The following ASTN2 variants were observed in gnomAD, a reference collection of about 807,000 sequenced individuals.
ASTN2 encodes astrotactin-2.
Under a neutral mutation model 139.8 loss-of-function variants are expected in ASTN2, and 54 were observed. The observed-to-expected ratio is 0.39, with a 90% CI of 0.31 to 0.48. The LOEUF is 0.48. Ranked by LOEUF, ASTN2 falls within the 20% of genes least tolerant of loss-of-function variation. The pLI, the probability that ASTN2 is intolerant of heterozygous loss-of-function variation, is 0.95. For missense variants in ASTN2, 1,565 were observed against 1,725.1 expected (o/e 0.91, Z 1.64); for synonymous variants, 756 against 719.5 (o/e 1.05, Z -0.81).
intron 20 of ASTN2, among the ~76,000 whole-genome samples, chr9:116,455,874 C>T (rs1220593761): frequency 1.3e-5 from 2 of 151,460 alleles, no homozygotes; most frequent in Non-Finnish European, 2.9e-5. Flanking sequence ...TAGTTCAACA[C>T]AATAAAACTA....
At chr9:116,637,580 C>T (rs1013186821) in intron 17 of ASTN2, among the ~76,000 whole-genome samples, 26 of 152,108 alleles carry the variant, frequency 1.7e-4, no homozygotes, top group African/African-American at 6.3e-4. Context: ...CTGCTCAGTA[C>T]AGTGTTGATA....
At chr9:116,506,232 G>C (rs951031147) in intron 19 of ASTN2, among the ~76,000 whole-genome samples, 1 of 152,174 alleles carries the variant, frequency 6.6e-6, no homozygotes, top group Admixed American at 6.5e-5. Flanking sequence ...AGGCTGGCAA[G>C]GCTGGCATTC....
At chr9:116,720,354 A>G (rs996516724) in intron 16 of ASTN2, among the ~76,000 whole-genome samples, 2 of 152,248 alleles carry the variant, frequency 1.3e-5, no homozygotes, top group African/African-American at 4.8e-5. Flanking sequence ...GACTCTCCCA[A>G]TCTAAACTCA....
chr9:117,291,185 T>C (rs1834580611), intron 2 of ASTN2, 141 bp downstream of exon 2: 2 of 1,077,216 alleles, frequency 1.9e-6, no homozygotes, highest in African/African-American at 1.6e-5. Context: ...ACAGAATCCA[T>C]CTGATTTTCT....
At chr9:117,123,144 C>A (rs1030554318) in intron 4 of ASTN2, among the ~76,000 whole-genome samples, 2 of 152,078 alleles carry the variant, frequency 1.3e-5, no homozygotes, top group African/African-American at 4.8e-5. Flanking sequence ...CTCCACCCTA[C>A]AGTGGCAGGG....
intron 2 of ASTN2, among the ~76,000 whole-genome samples, chr9:117,242,489 T>C (rs73517231): frequency 0.015 from 2,237 of 152,274 alleles, 57 homozygotes; most frequent in African/African-American, 0.051. Context: ...AGCATCCTAA[T>C]GGTTTTATCA....
chr9:116,668,270 C>T (rs1858990966), intron 16 of ASTN2, among the ~76,000 whole-genome samples: 1 of 151,340 alleles, frequency 6.6e-6, no homozygotes, highest in African/African-American at 2.4e-5. Flanking sequence ...TGGGTCACCG[C>T]AACCTCCGCC....
At chr9:117,224,958 T>C (rs1832653988) in intron 2 of ASTN2, among the ~76,000 whole-genome samples, 1 of 152,180 alleles carries the variant, frequency 6.6e-6, no homozygotes, top group Non-Finnish European at 1.5e-5. Flanking sequence ...CTAGTGCCCA[T>C]TGAGGGTGTT....
At chr9:116,986,382 C>A (rs10983446) in intron 7 of ASTN2, among the ~76,000 whole-genome samples, 30,362 of 152,066 alleles carry the variant, frequency 0.2, 3,783 homozygotes, top group Admixed American at 0.32. Context: ...AGAGATGAAT[C>A]CATCCTATTT....
intron 16 of ASTN2, among the ~76,000 whole-genome samples, chr9:116,685,782 T>C (rs1327803525): frequency 6.8e-6 from 1 of 147,720 alleles, no homozygotes. Flanking sequence ...AGAAGAGAGA[T>C]TTTTTTTTTT....
intron 13 of ASTN2, among the ~76,000 whole-genome samples, chr9:116,801,742 G>A (rs1830865893): frequency 6.6e-6 from 1 of 152,086 alleles, no homozygotes; most frequent in African/African-American, 2.4e-5. Context: ...TACATGGTCT[G>A]GAGATGGAAA....
chr9:116,641,621 A>G (rs1857333483), intron 17 of ASTN2, among the ~76,000 whole-genome samples: 1 of 152,168 alleles, frequency 6.6e-6, no homozygotes, highest in Non-Finnish European at 1.5e-5. Flanking sequence ...ATTGCATGTA[A>G]TAACTAATTC....
chr9:116,488,783 C>A (rs1248541934), intron 19 of ASTN2, among the ~76,000 whole-genome samples: 1 of 152,092 alleles, frequency 6.6e-6, no homozygotes, highest in Non-Finnish European at 1.5e-5. Flanking sequence ...ACATAATGGG[C>A]ACTTTTTCTA....
intron 5 of ASTN2, among the ~76,000 whole-genome samples, chr9:117,085,203 T>A (rs1460183360): frequency 1.3e-5 from 2 of 152,316 alleles, no homozygotes; most frequent in East Asian, 3.9e-4. Flanking sequence ...TAGTGCATCA[T>A]CCTCGGGGAA....
At chr9:116,484,771 C>T (rs1021350565) in intron 20 of ASTN2, among the ~76,000 whole-genome samples, 6 of 152,070 alleles carry the variant, frequency 3.9e-5, no homozygotes, top group Non-Finnish European at 7.4e-5. Context: ...AAGAATGTTC[C>T]ATATTTTAAG....
intron 12 of ASTN2, among the ~76,000 whole-genome samples, chr9:116,813,116 G>A (rs541662246): frequency 6.6e-6 from 1 of 150,896 alleles, no homozygotes; most frequent in Admixed American, 6.6e-5. Flanking sequence ...TCTAAAGAGT[G>A]TAGGCTCACA....
intron 11 of ASTN2, among the ~76,000 whole-genome samples, chr9:116,841,299 G>A (rs1322335428): frequency 1.3e-5 from 2 of 152,218 alleles, no homozygotes; most frequent in African/African-American, 4.8e-5. Flanking sequence ...ATCAGGCAGG[G>A]AGGTTGCAGT....
chr9:117,054,029 AAG>A (rs1470438194), intron 5 of ASTN2, among the ~76,000 whole-genome samples: 4 of 141,494 alleles, frequency 2.8e-5, no homozygotes, highest in Non-Finnish European at 4.6e-5. Context: ...AGGATAAAAA[AAG>A]AAAAAAAAAA....
chr9:116,555,786 G>A (rs146336339), intron 19 of ASTN2, among the ~76,000 whole-genome samples: 214 of 152,292 alleles, frequency 1.4e-3, no homozygotes, highest in Middle Eastern at 3.4e-3. Flanking sequence ...TGACAGCTGA[G>A]TGACAAGAGC....
Sources: gnomAD v4.1 joint callset for allele counts (sites outside exome capture counted in the v4.1 genomes callset) on GRCh38, gnomAD v4.1.1 for gene constraint, MANE v1.5 for transcripts, NCBI Gene and HGNC (gene_info 2026-07-23, HGNC 2026-07-21) for gene names.